The following NAPG variants were observed in gnomAD, a reference collection of about 807,000 sequenced individuals.
NAPG encodes the protein NSF attachment protein gamma.
Under a neutral mutation model 48.4 loss-of-function variants are expected in NAPG, and 25 were observed. The observed-to-expected ratio is 0.52, with a 90% CI of 0.38 to 0.72. NAPG has a LOEUF of 0.72. Among genes scored for constraint, NAPG ranks in the 30% least tolerant of loss-of-function variants. NAPG has a pLI of 0.00. For missense variants in NAPG, 359 were observed against 372.5 expected, an observed-to-expected ratio of 0.96 and a Z score of 0.30; for synonymous variants, 139 against 127.2, an observed-to-expected ratio of 1.09 and a Z score of -0.62.
At chr18:10,536,826 A>G (rs919897390) in intron 5 of NAPG, among the ~76,000 whole-genome samples, 5 of 152,148 alleles carry the variant, frequency 3.3e-5, no homozygotes, top group African/African-American at 4.8e-5. Context: ...ATATGTAATT[A>G]GTGGGTAGGT....
chr18:10,534,598 G>A lies in NAPG; in HGVS notation c.258+102G>A. 1.9e-6 allele frequency: 2 copies of A among 1,035,984 alleles called. No individual in the cohort carries two copies. The highest frequency in any genetic ancestry group is 2.4e-5 in the East Asian group (1 of 41,748). The allele number at this position is 1,035,984 out of a possible 1,614,324, so 64.2% of individuals were successfully genotyped here. On this transcript the variant is annotated intron_variant, in intron 5 of 11. Coordinates refer to ENST00000322897, the MANE Select transcript of NAPG (RefSeq NM_003826.3). The surrounding 1 kb of genome is among the most constrained non-coding windows in gnomAD (Gnocchi z 5.0). Reference sequence around the variant, plus strand: ...AAGTTGAAAAGCTTCCTTACTGTAAGGCAAGAGGTGCTAAGTTAAGATTTT... The same window carrying A: ...AAGTTGAAAAGCTTCCTTACTGTAAAGCAAGAGGTGCTAAGTTAAGATTTT...
chr18:10,527,187 C>CAAAAAAAAA (rs775618160), intron 1 of NAPG, among the ~76,000 whole-genome samples: 2 of 105,542 alleles, frequency 1.9e-5, no homozygotes, highest in African/African-American at 7.2e-5. Flanking sequence ...GACTCCGTCT[C>CAAAAAAAAA]AAAAAAAAAA....
chr18:10,532,804 T>G lies in NAPG; in HGVS notation c.209+9T>G. 6.5e-7 allele frequency: 1 copy of G among 1,535,544 alleles called. No homozygotes were observed. Among genetic ancestry groups the G allele is most frequent in the South Asian group, 1.3e-5 (1 of 78,018 alleles). On this transcript the variant is annotated intron_variant, in intron 3 of 11. Coordinates refer to ENST00000322897, the MANE Select transcript of NAPG (RefSeq NM_003826.3). ...CATGAAAATAATAGGGCGTATCTTTTTCAACTTTTAAAAAGAAATTAAACA... is the reference window on the plus strand; with the variant it reads ...CATGAAAATAATAGGGCGTATCTTTGTCAACTTTTAAAAAGAAATTAAACA...
In NAPG at chr18:10,550,113, G is replaced by A; in HGVS notation, c.832G>A (p.Gly278Arg). The change falls in exon 12 of 12, where the codon GGG becomes AGG. Residue 278 changes from glycine to arginine, a missense_variant. By Grantham distance (125) the Gly-to-Arg change is moderately radical. Coordinates refer to ENST00000322897, the MANE Select transcript of NAPG (RefSeq NM_003826.3). ...GGGCCTGAGTTTGGTGGTTCCAGGA[G>A]GGGGAATCAAGAAGAAATCACCTGC... ...KLGLSLVVPGGGIKKKSPATP... is the reference protein window; with the variant it reads ...KLGLSLVVPGRGIKKKSPATP... 1.3e-6 allele frequency: 2 copies of A among 1,575,738 alleles called. No homozygotes were observed. The highest frequency in any genetic ancestry group is 8.6e-7 in the Non-Finnish European group (1 of 1,164,528).
At chr18:10,533,788 A>G (rs1230458677) in intron 4 of NAPG, among the ~76,000 whole-genome samples, 3 of 137,674 alleles carry the variant, frequency 2.2e-5, no homozygotes, top group Admixed American at 2.1e-4. Context: ...CATTTTGTTC[A>G]GTAGCCTATG....
chr18:10,537,873 A>G (rs1393266003), intron 5 of NAPG, among the ~76,000 whole-genome samples: 1 of 152,180 alleles, frequency 6.6e-6, no homozygotes, highest in African/African-American at 2.4e-5. Context: ...TTCCATAGCT[A>G]AATAATAAAG....
In NAPG at chr18:10,550,146, C is replaced by T; in HGVS notation, c.865C>T (p.Gln289Ter). 6.3e-7 allele frequency: 1 copy of T among 1,580,080 alleles called. No homozygotes were observed. The highest frequency in any genetic ancestry group is 8.6e-7 in the Non-Finnish European group (1 of 1,165,970). The change falls in exon 12 of 12, where the codon CAG (glutamine) becomes TAG (stop). Residue 289 changes from glutamine to a stop codon, truncating the protein, a stop_gained. Coordinates refer to ENST00000322897, the MANE Select transcript of NAPG (RefSeq NM_003826.3). LOFTEE classifies it high-confidence loss of function. ...GIKKKSPATP[Q>*]AKPDGVTATA... is the part of the protein sequence containing the mutation. The stretch of plus-strand genomic sequence containing the variant: ...CAAGAAGAAATCACCTGCAACACCA[C>T]AGGCCAAGCCTGATGGTGTCACTGC...
Position 10,549,107 on chromosome 18 carries a change from C to G in NAPG, c.795+11C>G. The G allele has an allele frequency of 6.2e-7, 1 of 1,603,470 alleles. No individual in the cohort carries two copies. The highest frequency in any genetic ancestry group is 1.7e-5 in the Admixed American group (1 of 59,078). ...TACATGGACAATGATGTAAGTGGACCCATTTGCATAGCTTTCATCTTTTCT... is the reference window on the plus strand; with the variant it reads ...TACATGGACAATGATGTAAGTGGACGCATTTGCATAGCTTTCATCTTTTCT... On this transcript the variant is annotated intron_variant, in intron 11 of 11. Transcript: ENST00000322897.
At chr18:10,549,200 CTT>C (rs1555613875) in intron 11 of NAPG, 104 bp downstream of exon 11, 20 of 1,348,220 alleles carry the variant, frequency 1.5e-5, no homozygotes, top group Non-Finnish European at 5.0e-6. Context: ...TTTCCTACCT[CTT>C]TTTTTCTTCT....
At chr18:10,531,686 TTGTA>T (rs1422609347) in intron 2 of NAPG, among the ~76,000 whole-genome samples, 1 of 152,216 alleles carries the variant, frequency 6.6e-6, no homozygotes, top group Non-Finnish European at 1.5e-5. Flanking sequence ...AGTTCAAACT[TTGTA>T]TGAATTTTGT....
rs17547178 is a variant in NAPG at position 10,550,591 on chromosome 18, G to T, written c.*371G>T. ...ACTTGTAAGTTACTGTTAGTGAATT[G>T]TTTTTTACGTTTCATTTAATAATTG... On this transcript the variant is annotated 3_prime_UTR_variant, in exon 12 of 12. Transcript: ENST00000322897. 2,251 of 156,856 alleles carry T rather than the reference G, an allele frequency of 0.014. 24 individuals carry two copies. Among genetic ancestry groups the T allele is most frequent in the Non-Finnish European group, 0.022 (1,600 of 71,180 alleles). The allele number at this position is 156,856 out of a possible 1,614,324, so 9.7% of individuals were successfully genotyped here.
In NAPG at chr18:10,548,944, C is replaced by G. The variant is rs377632446; in HGVS notation, c.666-23C>G. 2.9e-5 allele frequency: 47 copies of G among 1,607,962 alleles called. No individual in the cohort carries two copies. The highest frequency in any genetic ancestry group is 3.9e-5 in the Non-Finnish European group (46 of 1,176,266). On this transcript the variant is annotated intron_variant, in intron 10 of 11. Transcript: ENST00000322897. This position sits in a 1 kb window ranked among gnomAD's most constrained non-coding sequence, Gnocchi z 4.4. Reference sequence around the variant, plus strand: ...TGTTCTTTTAAGGAGAAGGTGAAGACGTGTGATTTGTGCTTACTGCAGCAT... The same window carrying G: ...TGTTCTTTTAAGGAGAAGGTGAAGAGGTGTGATTTGTGCTTACTGCAGCAT...
In NAPG at chr18:10,548,817, T is replaced by C; in HGVS notation, c.666-150T>C. The C allele has an allele frequency of 1.1e-6, 1 of 933,156 alleles. No individual in the cohort carries two copies. Among genetic ancestry groups the C allele is most frequent in the Non-Finnish European group, 1.6e-6 (1 of 638,914 alleles). 57.8% of individuals were successfully genotyped at this position (933,156 alleles called of 1,614,324 possible). ...GTAGGCTGGTTAGCGGGATCCCCGG[T>C]CTCTGCCCTCTAGATGCCACTAGCA... On this transcript the variant is annotated intron_variant, in intron 10 of 11. Transcript: ENST00000322897. This position sits in a 1 kb window ranked among gnomAD's most constrained non-coding sequence, Gnocchi z 4.4.
intron 8 of NAPG, among the ~76,000 whole-genome samples, chr18:10,545,764 T>G (rs919394995): frequency 2.6e-5 from 4 of 152,238 alleles, no homozygotes; most frequent in African/African-American, 9.6e-5. Context: ...GGAGAATGTA[T>G]GAGGGTCAAT....
chr18:10,526,269 C>T, intron 1 of NAPG, 111 bp downstream of exon 1: 7 of 771,474 alleles, frequency 9.1e-6, no homozygotes, highest in Admixed American at 6.7e-5. Flanking sequence ...TGAGGGGCCT[C>T]GGCGCGCTGG....
At position 10,533,563 on chromosome 18, in the gene NAPG, C is replaced by A. The variant is rs555206718; in HGVS notation, c.227+10C>A. 5 of 1,592,594 alleles carry A rather than the reference C, an allele frequency of 3.1e-6. No homozygotes were observed. The African/African-American group carries it at 6.8e-5, about 22-fold the overall frequency. On this transcript the variant is annotated intron_variant, in intron 4 of 11. Transcript: ENST00000322897. ...TTTTTCATGCTGCCAAGTAAGTATT[C>A]TTCATGTTTTCATGTATTTGCAAAT...
Position 10,539,891 on chromosome 18 carries a change from G to A in NAPG, c.368+20G>A, listed in dbSNP as rs759085443. On this transcript the variant is annotated intron_variant, in intron 6 of 11. Transcript: ENST00000322897. The surrounding 1 kb of genome is among the most constrained non-coding windows in gnomAD (Gnocchi z 4.7). ...TGGAAAGTGAGTGTGAGATGGACAA[G>A]TCTCTGCATAGAAGTCTTGTCTTTT... is the stretch of plus-strand genomic sequence containing the variant. 6.2e-7 allele frequency: 1 copy of A among 1,612,612 alleles called. No individual in the cohort carries two copies. Among genetic ancestry groups the A allele is most frequent in the Admixed American group, 1.7e-5 (1 of 59,988 alleles).
chr18:10,546,506 T>C lies in NAPG; in HGVS notation c.585+102T>C, dbSNP rs901725114. 6.1e-6 allele frequency: 4 copies of C among 650,960 alleles called. No homozygotes were observed. The Admixed American group carries it at 1.3e-4, about 22-fold the overall frequency. The allele number at this position is 650,960 out of a possible 1,614,324, so 40.3% of individuals were successfully genotyped here. ...GGATTCTATGGGTATTTCTATGTTTTTGTAAAATAATACTTCATGGGCCTC... is the reference window on the plus strand; with the variant it reads ...GGATTCTATGGGTATTTCTATGTTTCTGTAAAATAATACTTCATGGGCCTC... On this transcript the variant is annotated intron_variant, in intron 9 of 11. Transcript: ENST00000322897. The surrounding 1 kb of genome is among the most constrained non-coding windows in gnomAD (Gnocchi z 4.0).
intron 5 of NAPG, among the ~76,000 whole-genome samples, chr18:10,535,127 T>C (rs2032005797): frequency 6.6e-6 from 1 of 152,212 alleles, no homozygotes; most frequent in Admixed American, 6.5e-5. Flanking sequence ...TTTTTAAAAA[T>C]GTTTTTTTCT....
Sources: gnomAD v4.1 joint callset for allele counts (sites outside exome capture counted in the v4.1 genomes callset) on GRCh38, gnomAD v4.1.1 for gene constraint, Gnocchi (gnomAD v3.1) non-coding constraint, MANE v1.5 for transcripts, NCBI Gene and HGNC (gene_info 2026-07-23, HGNC 2026-07-21) for gene names.